The following MYO16 variants were observed in gnomAD, a reference collection of about 807,000 sequenced individuals.
MYO16 encodes myosin XVI.
Under a neutral mutation model 205.3 loss-of-function variants are expected in MYO16, and 94 were observed. The observed-to-expected ratio is 0.46, with a 90% confidence interval of 0.39 to 0.54. The LOEUF (loss-of-function observed/expected upper bound fraction) is 0.54, where lower values mean the gene tolerates loss of function less well. Among genes scored for constraint, MYO16 ranks in the 20% least tolerant of loss-of-function variants. The pLI, the probability that MYO16 is intolerant of heterozygous loss-of-function variation, is 0.00. For missense variants in MYO16, 2,315 were observed against 2,387.5 expected (o/e 0.97, Z 0.63); for synonymous variants, 988 against 954.0 (o/e 1.04, Z -0.66).
intron 4 of MYO16, among the ~76,000 whole-genome samples, chr13:108,736,392 A>T (rs1370040596): frequency 6.6e-6 from 1 of 152,172 alleles, no homozygotes; most frequent in Non-Finnish European, 1.5e-5. Flanking sequence ...ACCATTTATT[A>T]AATAGGGAAT....
At chr13:109,161,944 C>T (rs993168109) in intron 32 of MYO16, among the ~76,000 whole-genome samples, 2 of 152,062 alleles carry the variant, frequency 1.3e-5, no homozygotes, top group African/African-American at 4.8e-5. Context: ...CAAAAATTAG[C>T]CGGGCATGGT....
chr13:108,508,975 A>G, the MYO16 span, among the ~76,000 whole-genome samples: 1 of 152,198 alleles, frequency 6.6e-6, no homozygotes, highest in Non-Finnish European at 1.5e-5. Flanking sequence ...TCCAGAGGAC[A>G]CCATTGCTCT....
chr13:108,965,658 G>A lies in MYO16; in HGVS notation c.2369+756G>A, dbSNP rs543570025. Reference sequence around the variant, plus strand: ...TGACCTCAGGTGATCCGCCTGCCTCGGCCTCCCAAAGTGCTGGGATTACAG... The same window carrying A: ...TGACCTCAGGTGATCCGCCTGCCTCAGCCTCCCAAAGTGCTGGGATTACAG... On this transcript the variant is annotated intron_variant, in intron 20 of 34. Transcript: ENST00000457511. Among the ~76,000 whole-genome samples, 23 of 152,078 alleles carry A rather than the reference G, an allele frequency of 1.5e-4. No individual in the cohort carries two copies. The South Asian group carries it at 3.9e-3, about 26-fold the overall frequency.
At chr13:108,539,401 T>C in the MYO16 span, among the ~76,000 whole-genome samples, 9 of 152,078 alleles carry the variant, frequency 5.9e-5, no homozygotes, top group African/African-American at 2.2e-4. Context: ...TTTTCAGTTC[T>C]TAGGGAGCTG....
chr13:108,685,761 T>C (rs1362439272), intron 2 of MYO16, among the ~76,000 whole-genome samples: 1 of 152,180 alleles, frequency 6.6e-6, no homozygotes, highest in African/African-American at 2.4e-5. Context: ...CTAGGTGCCA[T>C]GTCAGGAAGT....
At chr13:109,182,830 A>G (rs1879511489) in intron 34 of MYO16, among the ~76,000 whole-genome samples, 2 of 152,240 alleles carry the variant, frequency 1.3e-5, no homozygotes, top group South Asian at 2.1e-4. Flanking sequence ...TTTGAAAACT[A>G]TAATGGCTTT....
chr13:108,651,014 C>T (rs1880977817), intron 1 of MYO16, among the ~76,000 whole-genome samples: 1 of 152,184 alleles, frequency 6.6e-6, no homozygotes, highest in African/African-American at 2.4e-5. Flanking sequence ...GTGAGGTAGA[C>T]ACGAGACACA....
chr13:109,160,326 GATTAA>G (rs1406471180), intron 32 of MYO16, among the ~76,000 whole-genome samples: 1 of 152,160 alleles, frequency 6.6e-6, no homozygotes, highest in African/African-American at 2.4e-5. Context: ...GCTCTCGCTA[GATTAA>G]AATTCACCTT....
At chr13:108,827,866 A>G (rs1360217822) in intron 9 of MYO16, among the ~76,000 whole-genome samples, 1 of 152,180 alleles carries the variant, frequency 6.6e-6, no homozygotes, top group Non-Finnish European at 1.5e-5. Flanking sequence ...AGGGTTTTTC[A>G]TCACTGAGCA....
intron 2 of MYO16, among the ~76,000 whole-genome samples, chr13:108,668,416 A>T (rs1451983576): frequency 6.6e-6 from 1 of 152,124 alleles, no homozygotes; most frequent in Non-Finnish European, 1.5e-5. Flanking sequence ...GAGTGTATTG[A>T]TTTTCTATTG....
At chr13:108,827,851 C>T (rs1379500443) in intron 9 of MYO16, among the ~76,000 whole-genome samples, 1 of 152,144 alleles carries the variant, frequency 6.6e-6, no homozygotes, top group Non-Finnish European at 1.5e-5. Flanking sequence ...TGGACGTGCT[C>T]ACCCAGGGTT....
intron 20 of MYO16, among the ~76,000 whole-genome samples, chr13:108,973,651 C>A (rs942865812): frequency 6.6e-6 from 1 of 151,906 alleles, no homozygotes; most frequent in Non-Finnish European, 1.5e-5. Context: ...ACTAGTGACT[C>A]CACTCAGAAA....
intron 27 of MYO16, among the ~76,000 whole-genome samples, chr13:109,095,325 C>G: frequency 6.6e-6 from 1 of 151,954 alleles, no homozygotes; most frequent in East Asian, 1.9e-4. Context: ...TCTCCAGTTG[C>G]TCCTGTGCTC....
At chr13:108,852,943 T>C (rs1164434783) in intron 10 of MYO16, among the ~76,000 whole-genome samples, 1 of 152,236 alleles carries the variant, frequency 6.6e-6, no homozygotes, top group East Asian at 1.9e-4. Flanking sequence ...CTGTTGTTCA[T>C]ACAGCTGAAT....
In MYO16 at chr13:109,140,787, C is replaced by A; in HGVS notation, c.4575C>A (p.Ser1525=). ...LVFPPTPVTC[S]PASDESPLTP... ...TCCCCCCGACCCCCGTCACCTGCTC[C>A]CCCGCCTCCGACGAGTCGCCCCTGA... Residue 1525 remains serine, a synonymous_variant, in exon 32 of 35, where the codon TCC becomes TCA. Transcript: ENST00000457511. This position sits in a 1 kb window ranked among gnomAD's most constrained non-coding sequence, Gnocchi z 8.0. The A allele has an allele frequency of 6.3e-7, 1 of 1,575,854 alleles. No homozygotes were observed.
At chr13:108,798,368 A>G (rs1389472485) in intron 6 of MYO16, among the ~76,000 whole-genome samples, 1 of 152,216 alleles carries the variant, frequency 6.6e-6, no homozygotes, top group East Asian at 1.9e-4. Flanking sequence ...CAATGGGAAT[A>G]AAATTCTAAT....
intron 4 of MYO16, among the ~76,000 whole-genome samples, chr13:108,751,512 G>T (rs183413500): frequency 6.6e-6 from 1 of 152,266 alleles, no homozygotes; most frequent in African/African-American, 2.4e-5. Flanking sequence ...TAAGTATGTA[G>T]CTTCTACATC....
chr13:108,863,353 T>G (rs574326192), intron 11 of MYO16, among the ~76,000 whole-genome samples: 1 of 152,140 alleles, frequency 6.6e-6, no homozygotes, highest in Non-Finnish European at 1.5e-5. Flanking sequence ...TTTCATTAGA[T>G]TAAGGAAGTC....
At chr13:109,193,859 T>A (rs537132921) in intron 34 of MYO16, among the ~76,000 whole-genome samples, 29 of 152,330 alleles carry the variant, frequency 1.9e-4, no homozygotes, top group South Asian at 1.7e-3. Context: ...CTTGGTTTTA[T>A]AATAATTATA....
Sources: allele counts gnomAD v4.1 joint callset (sites outside exome capture counted in the v4.1 genomes callset), GRCh38; gene constraint gnomAD v4.1.1; non-coding constraint Gnocchi (gnomAD v3.1); transcripts MANE v1.5; gene names NCBI Gene and HGNC (gene_info 2026-07-23, HGNC 2026-07-21).